PPIP5K2: variants seen among roughly 807,000 people sequenced by gnomAD.
The protein encoded by PPIP5K2 is inositol hexakisphosphate and diphosphoinositol-pentakisphosphate kinase 2.
A neutral mutation model predicts 154.6 loss-of-function variants in PPIP5K2; 105 were observed. The observed-to-expected ratio is 0.68, with a 90% CI of 0.58 to 0.80. The LOEUF (loss-of-function observed/expected upper bound fraction) is 0.80, where lower values mean the gene tolerates loss of function less well. Among genes scored for constraint, PPIP5K2 ranks in the 30% least tolerant of loss-of-function variants. PPIP5K2 has a pLI of 0.00. For missense variants in PPIP5K2, 992 were observed against 1,504.6 expected (o/e 0.66, Z 5.64); for synonymous variants, 480 against 490.3 (o/e 0.98, Z 0.28).
At chr5:103,131,562 T>A (rs1554202704) in intron 2 of PPIP5K2, among the ~76,000 whole-genome samples, 1 of 152,162 alleles carries the variant, frequency 6.6e-6, no homozygotes, top group African/African-American at 2.4e-5. Context: ...TGTTCCCTGT[T>A]AAGGACAGGT....
At chr5:103,158,617 A>T in intron 16 of PPIP5K2, 44 bp downstream of exon 16, 1 of 1,487,382 alleles carries the variant, frequency 6.7e-7, no homozygotes, top group Non-Finnish European at 9.0e-7. Context: ...TTTTAATCTA[A>T]TATTGTATCT....
At chr5:103,173,026 C>T (rs948325609) in intron 19 of PPIP5K2, 129 bp from the exon 20 acceptor site, 1 of 660,250 alleles carries the variant, frequency 1.5e-6, no homozygotes, top group African/African-American at 1.9e-5. Flanking sequence ...AATGCAAACT[C>T]GGAGTTATCC....
intron 30 of PPIP5K2, among the ~76,000 whole-genome samples, chr5:103,199,966 GT>G (rs782735543): frequency 6.6e-6 from 1 of 152,088 alleles, no homozygotes; most frequent in African/African-American, 2.4e-5. Flanking sequence ...CAGGAAAGAT[GT>G]TTTTCTGTTT....
At position 103,202,074 on chromosome 5, in the gene PPIP5K2, T is replaced by G. The variant is rs1339254903; in HGVS notation, c.*440T>G. On this transcript the variant is annotated 3_prime_UTR_variant, in exon 31 of 31. Coordinates refer to ENST00000358359, the MANE Select transcript of PPIP5K2 (RefSeq NM_001276277.3). ...ATATTGGGGACTTTTAAAGTGTCTT[T>G]CCAAAGAGATTTCATTAACCGTTTA... is the stretch of plus-strand genomic sequence containing the variant. The G allele has an allele frequency of 6.5e-6, 1 of 153,964 alleles. No individual in the cohort carries two copies. Among genetic ancestry groups the G allele is most frequent in the African/African-American group, 2.4e-5 (1 of 41,486 alleles). 9.5% of individuals were successfully genotyped at this position (153,964 alleles called of 1,614,324 possible).
intron 28 of PPIP5K2, 103 bp from the exon 29 acceptor site, chr5:103,190,739 A>G: frequency 9.6e-7 from 1 of 1,037,114 alleles, no homozygotes; most frequent in Non-Finnish European, 1.3e-6. Flanking sequence ...ATAGACTGAA[A>G]AGACCTAAAC....
chr5:103,154,023 A>G, intron 11 of PPIP5K2, 89 bp downstream of exon 11: 1 of 974,108 alleles, frequency 1.0e-6, no homozygotes, highest in Non-Finnish European at 1.5e-6. Context: ...TACATCATAT[A>G]GAAAAACTTT....
chr5:103,176,243 A>G (rs1798689235), intron 21 of PPIP5K2, among the ~76,000 whole-genome samples: 2 of 152,064 alleles, frequency 1.3e-5, no homozygotes, highest in Admixed American at 6.6e-5. Context: ...AGCAAAATCT[A>G]TAACTGCAAC....
At chr5:103,187,983 A>G (rs1342391484) in intron 28 of PPIP5K2, among the ~76,000 whole-genome samples, 4 of 152,128 alleles carry the variant, frequency 2.6e-5, no homozygotes, top group Admixed American at 6.6e-5. Context: ...GTGGTTTGCT[A>G]TTATCAAGCA....
At chr5:103,148,565 T>C (rs551167066) in intron 7 of PPIP5K2, among the ~76,000 whole-genome samples, 24 of 152,284 alleles carry the variant, frequency 1.6e-4, no homozygotes, top group African/African-American at 5.5e-4. Flanking sequence ...AAAAATTCTC[T>C]AGTGGATCCT....
At chr5:103,126,400 CT>C (rs1789678774) in intron 1 of PPIP5K2, among the ~76,000 whole-genome samples, 1 of 151,836 alleles carries the variant, frequency 6.6e-6, no homozygotes, top group South Asian at 2.1e-4. Flanking sequence ...TGGATACATA[CT>C]TTTTTTTCCC....
chr5:103,198,155 A>C (rs1314032050), intron 30 of PPIP5K2, among the ~76,000 whole-genome samples: 5 of 151,994 alleles, frequency 3.3e-5, no homozygotes, highest in African/African-American at 9.7e-5. Flanking sequence ...GCATATTTAG[A>C]AGTATATTGG....
intron 17 of PPIP5K2, among the ~76,000 whole-genome samples, chr5:103,165,708 G>A (rs182599275): frequency 1.3e-5 from 2 of 152,168 alleles, no homozygotes; most frequent in African/African-American, 4.8e-5. Context: ...TATACAAATG[G>A]ATAACTCGTT....
At chr5:103,187,884 T>C (rs1800646541) in intron 28 of PPIP5K2, among the ~76,000 whole-genome samples, 1 of 152,118 alleles carries the variant, frequency 6.6e-6, no homozygotes, top group African/African-American at 2.4e-5. Flanking sequence ...CATCGTCTGT[T>C]CCTGGCTATT....
At chr5:103,130,982 C>A (rs1056160707) in intron 2 of PPIP5K2, among the ~76,000 whole-genome samples, 7 of 152,116 alleles carry the variant, frequency 4.6e-5, no homozygotes, top group Non-Finnish European at 1.0e-4. Flanking sequence ...TATTGTCATA[C>A]CATGCGTCTT....
intron 2 of PPIP5K2, among the ~76,000 whole-genome samples, chr5:103,131,501 G>A (rs1303056868): frequency 6.6e-6 from 1 of 151,972 alleles, no homozygotes; most frequent in Non-Finnish European, 1.5e-5. Flanking sequence ...TGGATATGGA[G>A]GGCCAACTGT....
Position 103,145,448 on chromosome 5 carries a change from T to G in PPIP5K2, c.488-1079T>G, listed in dbSNP as rs143918153. On this transcript the variant is annotated intron_variant, in intron 5 of 30. Transcript: ENST00000358359. ...TATATTGAAGAGATATTTGCACTCA[T>G]GTTTATTGCAGCACCACTTGGAATA... Among the ~76,000 whole-genome samples, 133 of 152,230 alleles carry G rather than the reference T, an allele frequency of 8.7e-4. 1 individual carries two copies. The highest frequency in any genetic ancestry group is 3.1e-3 in the African/African-American group (130 of 41,580).
chr5:103,132,540 T>C (rs1445962852), intron 2 of PPIP5K2, among the ~76,000 whole-genome samples: 1 of 151,864 alleles, frequency 6.6e-6, no homozygotes, highest in African/African-American at 2.4e-5. Flanking sequence ...AGCGAGACTT[T>C]GTCTCAAAAA....
intron 5 of PPIP5K2, among the ~76,000 whole-genome samples, chr5:103,139,061 C>T (rs534948878): frequency 4.6e-5 from 7 of 152,246 alleles, no homozygotes; most frequent in Admixed American, 6.5e-5. Flanking sequence ...CCAGTCACCG[C>T]GTATGACAAG....
chr5:103,152,212 A>T (rs998956493), intron 9 of PPIP5K2, among the ~76,000 whole-genome samples: 1 of 151,942 alleles, frequency 6.6e-6, no homozygotes, highest in African/African-American at 2.4e-5. Context: ...AAAAGTAAAC[A>T]TTTTTCCATT....
Sources: allele counts gnomAD v4.1 joint callset (sites outside exome capture counted in the v4.1 genomes callset), GRCh38; gene constraint gnomAD v4.1.1; transcripts MANE v1.5; gene names NCBI Gene and HGNC (gene_info 2026-07-23, HGNC 2026-07-21).